Variants in CPED1 observed in about 807,000 individuals in gnomAD.
CPED1 encodes cadherin like and PC-esterase domain containing 1.
Under a neutral mutation model 128.2 loss-of-function variants are expected in CPED1, and 114 were observed. The observed-to-expected ratio is 0.89, with a 90% CI of 0.76 to 1.04. The LOEUF is 1.04. Ranked by LOEUF, CPED1 falls within the 50% of genes least tolerant of loss-of-function variation. The probability of loss-of-function intolerance (pLI) is 0.00; values close to 1 mark genes in which losing one functional copy is unlikely to be tolerated. For missense variants in CPED1, 1,211 were observed against 1,207.1 expected (o/e 1.00, Z -0.05); for synonymous variants, 462 against 426.7 (o/e 1.08, Z -1.02).
chr7:121,142,608 C>CT (rs1193214866), intron 16 of CPED1, among the ~76,000 whole-genome samples: 2 of 152,104 alleles, frequency 1.3e-5, no homozygotes, highest in East Asian at 3.9e-4. Flanking sequence ...AGTTAAATTT[C>CT]TCATTCACTT....
chr7:121,283,554 C>G (rs1435712565), intron 22 of CPED1, among the ~76,000 whole-genome samples: 1 of 152,166 alleles, frequency 6.6e-6, no homozygotes, highest in Non-Finnish European at 1.5e-5. Flanking sequence ...CATACAGAAA[C>G]TTTAAATACA....
intron 18 of CPED1, among the ~76,000 whole-genome samples, chr7:121,264,340 A>C (rs1440912435): frequency 6.6e-6 from 1 of 152,132 alleles, no homozygotes; most frequent in Non-Finnish European, 1.5e-5. Flanking sequence ...TTCTTTAAAA[A>C]TCAGAAATGT....
chr7:121,097,348 C>T (rs756319007), intron 5 of CPED1, among the ~76,000 whole-genome samples: 2 of 152,078 alleles, frequency 1.3e-5, no homozygotes, highest in Non-Finnish European at 2.9e-5. Context: ...CAAAAGTCTG[C>T]TCTTGCAGCC....
At chr7:121,033,875 C>A (rs758201407) in intron 3 of CPED1, among the ~76,000 whole-genome samples, 15 of 152,066 alleles carry the variant, frequency 9.9e-5, no homozygotes, top group Non-Finnish European at 2.1e-4. Context: ...TGGATTTATT[C>A]TTGAAATAAA....
chr7:121,000,927 G>A (rs1425311500), intron 2 of CPED1, among the ~76,000 whole-genome samples: 1 of 152,096 alleles, frequency 6.6e-6, no homozygotes, highest in African/African-American at 2.4e-5. Context: ...AAAATCATAT[G>A]TTTGAAAGCA....
intron 16 of CPED1, among the ~76,000 whole-genome samples, chr7:121,226,239 C>T (rs187724223): frequency 6.6e-6 from 1 of 152,052 alleles, no homozygotes; most frequent in African/African-American, 2.4e-5. Flanking sequence ...AATCAGGTCC[C>T]TTAGCTGCAG....
chr7:120,989,684 C>T lies in CPED1; in HGVS notation c.63C>T (p.Gly21=), dbSNP rs778056931. ...TTTGCCCCCGACCCTTCTTGGTGGG[C>T]TTAGTGGTGGCAATCTGTCTCTTCT... ...RRFCPRPFLV[G]LVVAICLFYQ... The change falls in exon 2 of 23, where the codon GGC becomes GGT. Residue 21 remains glycine, a synonymous_variant. Coordinates refer to ENST00000310396, the MANE Select transcript of CPED1 (RefSeq NM_024913.5). 3 of 1,613,898 alleles carry T rather than the reference C, an allele frequency of 1.9e-6. No homozygotes were observed. The highest frequency in any genetic ancestry group is 8.5e-7 in the Non-Finnish European group (1 of 1,180,018).
chr7:121,126,452 CAT>C (rs1795506170), intron 9 of CPED1, among the ~76,000 whole-genome samples: 2 of 151,822 alleles, frequency 1.3e-5, no homozygotes, highest in Non-Finnish European at 2.9e-5. Context: ...TTTCCTCTAA[CAT>C]AGCCCTTAGA....
At chr7:121,207,541 G>T (rs7782668) in intron 16 of CPED1, among the ~76,000 whole-genome samples, 149,051 of 152,078 alleles carry the variant, frequency 0.98, 73,110 homozygotes, top group Middle Eastern at 1. Context: ...TCAGGTTTTC[G>T]TATTTCCAAG....
intron 9 of CPED1, among the ~76,000 whole-genome samples, chr7:121,126,604 C>T (rs1795509720): frequency 6.6e-6 from 1 of 152,096 alleles, no homozygotes; most frequent in South Asian, 2.1e-4. Context: ...TCTGTGTCCT[C>T]AAACTATTAT....
chr7:121,010,385 G>A (rs1229720291), intron 2 of CPED1, among the ~76,000 whole-genome samples: 2 of 151,972 alleles, frequency 1.3e-5, no homozygotes, highest in East Asian at 3.9e-4. Context: ...AGAGTAGCTG[G>A]GATTACAGGC....
intron 16 of CPED1, among the ~76,000 whole-genome samples, chr7:121,231,027 G>A (rs1798125227): frequency 6.6e-6 from 1 of 152,036 alleles, no homozygotes. Flanking sequence ...TCCAGTTTGG[G>A]AGTCGTGATC....
At chr7:121,277,883 G>A (rs982558555) in intron 22 of CPED1, among the ~76,000 whole-genome samples, 1 of 152,094 alleles carries the variant, frequency 6.6e-6, no homozygotes, top group Non-Finnish European at 1.5e-5. Context: ...CTAATAGCGG[G>A]AAAACTCAAG....
chr7:121,093,797 A>G (rs943093573), intron 5 of CPED1, among the ~76,000 whole-genome samples: 1 of 152,076 alleles, frequency 6.6e-6, no homozygotes, highest in South Asian at 2.1e-4. Context: ...CTGGGCTAAG[A>G]GTGGTAAAAG....
chr7:121,069,714 A>C (rs547412269), intron 5 of CPED1, among the ~76,000 whole-genome samples: 1 of 152,246 alleles, frequency 6.6e-6, no homozygotes, highest in Non-Finnish European at 1.5e-5. Context: ...TAGTTGGCCC[A>C]AATTTGTTGC....
chr7:121,212,884 T>C (rs1342929549), intron 16 of CPED1, among the ~76,000 whole-genome samples: 7 of 152,032 alleles, frequency 4.6e-5, no homozygotes, highest in Non-Finnish European at 8.8e-5. Flanking sequence ...AGTTAATAAG[T>C]GATTTCTAAT....
chr7:121,213,586 A>G (rs1018263323), intron 16 of CPED1, among the ~76,000 whole-genome samples: 2 of 152,050 alleles, frequency 1.3e-5, no homozygotes, highest in African/African-American at 4.8e-5. Context: ...TGCAATGGAT[A>G]CCCATGAATG....
chr7:121,220,113 GAAAT>G (rs1199849292), intron 16 of CPED1, among the ~76,000 whole-genome samples: 2 of 151,936 alleles, frequency 1.3e-5, no homozygotes, highest in East Asian at 3.9e-4. Context: ...TTTATAAAAG[GAAAT>G]AGAGTTTAGA....
chr7:121,175,539 G>A (rs1311087244), intron 16 of CPED1, among the ~76,000 whole-genome samples: 2 of 152,010 alleles, frequency 1.3e-5, no homozygotes, highest in African/African-American at 2.4e-5. Context: ...GATAGTGGAT[G>A]GATTGGCTTT....
Sources: gnomAD v4.1 joint callset for allele counts (sites outside exome capture counted in the v4.1 genomes callset) on GRCh38, gnomAD v4.1.1 for gene constraint, MANE v1.5 for transcripts, NCBI Gene and HGNC (gene_info 2026-07-23, HGNC 2026-07-21) for gene names.